Variants in C12orf54 observed in about 807,000 individuals in gnomAD.
C12orf54 encodes the protein chromosome 12 open reading frame 54, also known as uncharacterized protein C12orf54.
Under a neutral mutation model 26.4 loss-of-function variants are expected in C12orf54, and 24 were observed. The observed-to-expected ratio is 0.91, with a 90% CI of 0.66 to 1.28. The LOEUF (loss-of-function observed/expected upper bound fraction) is 1.28. Ranked by LOEUF, C12orf54 falls within the 50% of genes most tolerant of loss-of-function variation. The pLI, the probability that C12orf54 is intolerant of heterozygous loss-of-function variation, is 0.00. For missense variants in C12orf54, 154 were observed against 150.9 expected (o/e 1.02, Z -0.11); for synonymous variants, 54 against 47.0 (o/e 1.15, Z -0.61).
chr12:48,479,350 T>G, upstream of C12orf54, among the ~76,000 whole-genome samples: 1 of 151,954 alleles, frequency 6.6e-6, no homozygotes, highest in East Asian at 1.9e-4. Flanking sequence ...CATCACACGT[T>G]GGGGACTGCT....
chr12:48,427,348 G>T, the C12orf54 span, among the ~76,000 whole-genome samples: 1 of 152,076 alleles, frequency 6.6e-6, no homozygotes, highest in South Asian at 2.1e-4. Flanking sequence ...TGTGGTTTTT[G>T]TCTTTAGTTC....
At chr12:48,474,993 C>A in the C12orf54 span, among the ~76,000 whole-genome samples, 1 of 152,196 alleles carries the variant, frequency 6.6e-6, no homozygotes, top group African/African-American at 2.4e-5. Context: ...TGGGAGGCAC[C>A]CCCCAGTAGG....
At chr12:48,424,759 G>A in the C12orf54 span, among the ~76,000 whole-genome samples, 2 of 152,206 alleles carry the variant, frequency 1.3e-5, no homozygotes, top group African/African-American at 2.4e-5. Context: ...ACTTATATAT[G>A]TGTATGGTGG....
intron 2 of C12orf54, 60 bp downstream of exon 2, chr12:48,483,421 A>G: frequency 6.6e-7 from 1 of 1,516,278 alleles, no homozygotes; most frequent in Non-Finnish European, 9.1e-7. Context: ...ATGGGAGAAG[A>G]ACCAGGGCCT....
At chr12:48,493,036 C>T (rs760673833) in intron 7 of C12orf54, 41 bp downstream of exon 7, 2 of 1,562,716 alleles carry the variant, frequency 1.3e-6, no homozygotes, top group South Asian at 2.2e-5. Context: ...GGAGATGGCA[C>T]CCACCTGGAT....
the C12orf54 span, among the ~76,000 whole-genome samples, chr12:48,455,874 T>C: frequency 6.6e-6 from 1 of 152,218 alleles, no homozygotes; most frequent in Non-Finnish European, 1.5e-5. Context: ...AGTTGCCTTA[T>C]TTATAGAACA....
the C12orf54 span, among the ~76,000 whole-genome samples, chr12:48,441,353 C>T: frequency 2.6e-5 from 4 of 152,148 alleles, no homozygotes; most frequent in Admixed American, 2.6e-4. Flanking sequence ...ATCCCAGCTA[C>T]TTGGGAGGCT....
chr12:48,482,901 A>T (rs562590394), intron 1 of C12orf54, among the ~76,000 whole-genome samples: 1 of 151,386 alleles, frequency 6.6e-6, no homozygotes, highest in East Asian at 1.9e-4. Flanking sequence ...CCCATCCCCA[A>T]TCTCAGCCAA....
the C12orf54 span, among the ~76,000 whole-genome samples, chr12:48,419,546 A>G: frequency 6.6e-6 from 1 of 152,210 alleles, no homozygotes; most frequent in South Asian, 2.1e-4. Flanking sequence ...GGAATATGTT[A>G]GTGAATAGAG....
rs1050790708 is a variant in C12orf54, at chr12:48,494,843, A to C, written c.288A>C (p.Arg96Ser). Residue 96 changes from arginine to serine, a missense_variant, in exon 8 of 9, where the codon AGA becomes AGC. Transcript: ENST00000548364. Reference sequence around the variant, plus strand: ...CCTTGATGACCCCAAAGTTGAGAAGATTGCAGTTCAGCTCTGGAGAGCAGC... The same window carrying C: ...CCTTGATGACCCCAAAGTTGAGAAGCTTGCAGTTCAGCTCTGGAGAGCAGC... ...PDSLMTPKLR[R>S]LQFSSGEQPS... The C allele has an allele frequency of 6.2e-7, 1 of 1,613,830 alleles. No homozygotes were observed.
the C12orf54 span, among the ~76,000 whole-genome samples, chr12:48,452,438 G>T: frequency 1.3e-5 from 2 of 152,100 alleles, no homozygotes; most frequent in Admixed American, 1.3e-4. Flanking sequence ...AAGATTTCAT[G>T]ACAAAGATGC....
At chr12:48,463,364 A>G in the C12orf54 span, among the ~76,000 whole-genome samples, 1 of 152,006 alleles carries the variant, frequency 6.6e-6, no homozygotes, top group Non-Finnish European at 1.5e-5. Flanking sequence ...CCCTCCCAAG[A>G]CTGAACCAGG....
the C12orf54 span, among the ~76,000 whole-genome samples, chr12:48,438,921 A>C: frequency 2.6e-5 from 4 of 152,098 alleles, no homozygotes; most frequent in African/African-American, 9.7e-5. Context: ...TAATTAAACT[A>C]AAGAGCTTCT....
chr12:48,460,100 A>G, the C12orf54 span, among the ~76,000 whole-genome samples: 5 of 152,200 alleles, frequency 3.3e-5, no homozygotes, highest in African/African-American at 4.8e-5. Flanking sequence ...GTTATCTTCC[A>G]GGAGCAATCC....
chr12:48,462,823 T>G, the C12orf54 span, among the ~76,000 whole-genome samples: 2 of 151,790 alleles, frequency 1.3e-5, no homozygotes, highest in Non-Finnish European at 3.0e-5. Context: ...AGCAGTCTCT[T>G]TAGGATTTGG....
At chr12:48,464,468 G>C in the C12orf54 span, among the ~76,000 whole-genome samples, 2 of 152,060 alleles carry the variant, frequency 1.3e-5, no homozygotes, top group Non-Finnish European at 2.9e-5. Context: ...TGGATAGGAA[G>C]AATCAATATT....
At chr12:48,447,189 G>GCT in the C12orf54 span, among the ~76,000 whole-genome samples, 1,185 of 143,858 alleles carry the variant, frequency 8.2e-3, 12 homozygotes, top group African/African-American at 0.028. Flanking sequence ...AGATATGAGA[G>GCT]CTCTCTCTCT....
chr12:48,454,914 T>G, the C12orf54 span, among the ~76,000 whole-genome samples: 2 of 152,244 alleles, frequency 1.3e-5, no homozygotes, highest in Non-Finnish European at 2.9e-5. Flanking sequence ...TTTTGACTAC[T>G]GCAAGTTTCT....
Position 48,488,966 on chromosome 12 carries a change from G to C in C12orf54, c.168+10G>C. On this transcript the variant is annotated intron_variant, in intron 5 of 8. Transcript: ENST00000548364. ...GGATATACAAAAGGAGGTGAGATTA[G>C]ATTTTGATTCTCTGAATTCCCCAGC... The C allele has an allele frequency of 6.2e-7, 1 of 1,611,270 alleles. No individual in the cohort carries two copies. Among genetic ancestry groups the C allele is most frequent in the Non-Finnish European group, 8.5e-7 (1 of 1,178,016 alleles).
Sources: allele counts gnomAD v4.1 joint callset (sites outside exome capture counted in the v4.1 genomes callset), GRCh38; gene constraint gnomAD v4.1.1; transcripts MANE v1.5; gene names NCBI Gene and HGNC (gene_info 2026-07-23, HGNC 2026-07-21).